C1QTNF7: variants seen among roughly 807,000 people sequenced by gnomAD.
C1QTNF7 encodes C1q and TNF related 7.
C1QTNF7 carries 15 observed loss-of-function variants against 19.6 expected under a neutral mutation model. The ratio of observed to expected loss-of-function variants is 0.76; its 90% CI spans 0.51 to 1.18. The LOEUF is 1.18. Among genes scored for constraint, C1QTNF7 ranks in the 50% most tolerant of loss-of-function variants. C1QTNF7 has a pLI of 0.00. For missense variants in C1QTNF7, 324 were observed against 359.7 expected (o/e 0.90, Z 0.80); for synonymous variants, 142 against 137.5 (o/e 1.03, Z -0.23).
intron 1 of C1QTNF7, among the ~76,000 whole-genome samples, chr4:15,413,110 T>C (rs1360983661): frequency 6.6e-6 from 1 of 152,152 alleles, no homozygotes; most frequent in Non-Finnish European, 1.5e-5. Context: ...AACACCAAAT[T>C]TGATCAAAAT....
intron 1 of C1QTNF7, among the ~76,000 whole-genome samples, chr4:15,390,855 C>T (rs898612507): frequency 2.0e-5 from 3 of 152,070 alleles, no homozygotes; most frequent in Admixed American, 6.5e-5. Flanking sequence ...AATGAATTGA[C>T]GATGGGCACC....
At chr4:15,427,044 T>C (rs1317291020), upstream of C1QTNF7, among the ~76,000 whole-genome samples, 2 of 152,194 alleles carry the variant, frequency 1.3e-5, no homozygotes, top group Non-Finnish European at 2.9e-5. Flanking sequence ...GGCATTAAGA[T>C]TTTGGAAAGC....
At chr4:15,400,954 A>G (rs113582399) in intron 1 of C1QTNF7, among the ~76,000 whole-genome samples, 8 of 152,260 alleles carry the variant, frequency 5.3e-5, no homozygotes, top group African/African-American at 1.7e-4. Context: ...ACATGTAGGT[A>G]ATTCATGTTT....
intron 1 of C1QTNF7, among the ~76,000 whole-genome samples, chr4:15,383,300 A>G (rs963838541): frequency 1.3e-5 from 2 of 152,172 alleles, no homozygotes; most frequent in Non-Finnish European, 2.9e-5. Context: ...GGTTCAGGGC[A>G]GAGGGAGGTA....
chr4:15,418,153 A>G (rs1271303375), intron 1 of C1QTNF7, among the ~76,000 whole-genome samples: 1 of 152,060 alleles, frequency 6.6e-6, no homozygotes, highest in Non-Finnish European at 1.5e-5. Context: ...TTCTCTCGTT[A>G]TCCTTTGTAG....
At chr4:15,417,823 C>T (rs543427705) in intron 1 of C1QTNF7, among the ~76,000 whole-genome samples, 1 of 152,106 alleles carries the variant, frequency 6.6e-6, no homozygotes, top group Non-Finnish European at 1.5e-5. Flanking sequence ...GTGAGAGCCT[C>T]GGGAAGCAAA....
intron 1 of C1QTNF7, among the ~76,000 whole-genome samples, chr4:15,344,801 G>A (rs533323223): frequency 2.6e-5 from 4 of 152,212 alleles, no homozygotes; most frequent in Non-Finnish European, 5.9e-5. Flanking sequence ...AGGGGAGGGT[G>A]CATTTTTATA....
intron 1 of C1QTNF7, among the ~76,000 whole-genome samples, chr4:15,378,912 G>C (rs1718042314): frequency 6.6e-6 from 1 of 152,216 alleles, no homozygotes. Context: ...TTGCACCAGA[G>C]AAGTAAACTT....
At chr4:15,377,731 A>T (rs1717993431) in intron 1 of C1QTNF7, among the ~76,000 whole-genome samples, 1 of 152,172 alleles carries the variant, frequency 6.6e-6, no homozygotes, top group Non-Finnish European at 1.5e-5. Flanking sequence ...ATTTCTTGTG[A>T]TGTCATGACT....
chr4:15,341,834 C>T (rs1262720663), intron 1 of C1QTNF7, among the ~76,000 whole-genome samples: 3 of 152,146 alleles, frequency 2.0e-5, no homozygotes, highest in East Asian at 3.9e-4. Flanking sequence ...GTTTGCATGG[C>T]GCCTGAGTGC....
chr4:15,393,148 C>T (rs997006275), intron 1 of C1QTNF7, among the ~76,000 whole-genome samples: 3 of 152,138 alleles, frequency 2.0e-5, no homozygotes, highest in Non-Finnish European at 2.9e-5. Context: ...TTTCGCTTGG[C>T]CCTCTTTTCT....
intron 1 of C1QTNF7, among the ~76,000 whole-genome samples, chr4:15,402,467 TA>T (rs543940177): frequency 1.8e-4 from 28 of 152,308 alleles, no homozygotes; most frequent in African/African-American, 6.0e-4. Flanking sequence ...TTAGATCTTT[TA>T]CAAAACCGAA....
chr4:15,398,536 G>C (rs1718872481), intron 1 of C1QTNF7, among the ~76,000 whole-genome samples: 1 of 152,114 alleles, frequency 6.6e-6, no homozygotes, highest in African/African-American at 2.4e-5. Flanking sequence ...CTGGGTCTAG[G>C]CTCAGGACTC....
At chr4:15,436,082 C>A (rs1712525842) in intron 2 of C1QTNF7, 101 bp downstream of exon 2, 1 of 1,462,354 alleles carries the variant, frequency 6.8e-7, no homozygotes, top group African/African-American at 1.4e-5. Context: ...CTCCTTAAAC[C>A]CCTTCTGTAC....
rs111733078 is a variant in C1QTNF7 at position 15,444,947 on chromosome 4, A to G, written c.*2148A>G. ...ATAAGAAAGTGTAGAGACCCTGTGT[A>G]TTTCAGAGCTGGATACTGCCATTAC... is the stretch of plus-strand genomic sequence containing the variant. On this transcript the variant is annotated 3_prime_UTR_variant, in exon 3 of 3. Transcript: ENST00000444304. 6.6e-6 allele frequency: 1 copy of G among 152,224 alleles called. No individual in the cohort carries two copies. The highest frequency in any genetic ancestry group is 2.1e-4 in the South Asian group (1 of 4,836). 9.4% of individuals were successfully genotyped at this position (152,224 alleles called of 1,614,324 possible). A position where few individuals can be genotyped will look rare whatever the true frequency, so the allele number is the denominator to read the frequency against.
intron 1 of C1QTNF7, among the ~76,000 whole-genome samples, chr4:15,434,419 A>G (rs1450943479): frequency 6.6e-6 from 1 of 152,198 alleles, no homozygotes; most frequent in Non-Finnish European, 1.5e-5. Context: ...ATTTTCTCAC[A>G]TGGCTGTCAA....
At chr4:15,404,043 A>T (rs935887337) in intron 1 of C1QTNF7, among the ~76,000 whole-genome samples, 3 of 152,194 alleles carry the variant, frequency 2.0e-5, no homozygotes, top group African/African-American at 7.2e-5. Context: ...GCAGCTCTTT[A>T]CAATGAATCT....
At chr4:15,441,079 T>C (rs969606273) in intron 2 of C1QTNF7, among the ~76,000 whole-genome samples, 3 of 152,066 alleles carry the variant, frequency 2.0e-5, no homozygotes, top group African/African-American at 7.2e-5. Context: ...GAGGTGGAAG[T>C]TGCAATGAGC....
At chr4:15,409,712 G>A (rs1408579870) in intron 1 of C1QTNF7, among the ~76,000 whole-genome samples, 3 of 152,096 alleles carry the variant, frequency 2.0e-5, no homozygotes, top group Admixed American at 1.3e-4. Context: ...GTCTGAACGT[G>A]CTCTGCCCAC....
Sources: allele counts gnomAD v4.1 joint callset (sites outside exome capture counted in the v4.1 genomes callset), GRCh38; gene constraint gnomAD v4.1.1; transcripts MANE v1.5; gene names NCBI Gene and HGNC (gene_info 2026-07-23, HGNC 2026-07-21).